The following CSMD2 variants were observed in gnomAD, a reference collection of about 807,000 sequenced individuals.
The protein encoded by CSMD2 is CUB and Sushi multiple domains 2.
In CSMD2, 130 loss-of-function variants were observed where a neutral mutation model predicts 398.5. That is an observed-to-expected ratio of 0.33 (90% CI 0.28 to 0.38). The LOEUF is 0.38. Ranked by LOEUF, CSMD2 falls within the 10% of genes least tolerant of loss-of-function variation. CSMD2 has a pLI of 1.00. For synonymous variants in CSMD2, 1,828 were observed against 1,908.5 expected, an observed-to-expected ratio of 0.96 and a Z score of 1.10; for missense variants, 3,829 against 4,764.9, an observed-to-expected ratio of 0.80 and a Z score of 5.78.
At chr1:34,048,624 T>TG (rs1183736903) in intron 2 of CSMD2, among the ~76,000 whole-genome samples, 1 of 152,112 alleles carries the variant, frequency 6.6e-6, no homozygotes, top group Non-Finnish European at 1.5e-5. Flanking sequence ...ACAGAAAGAA[T>TG]GGGGGTCTTC....
chr1:33,937,900 G>A (rs1233012672), intron 3 of CSMD2, among the ~76,000 whole-genome samples: 1 of 152,276 alleles, frequency 6.6e-6, no homozygotes, highest in Non-Finnish European at 1.5e-5. Flanking sequence ...TTGGGCCACA[G>A]GGCCATGAGG....
At chr1:34,158,531 G>A (rs1641016255) in intron 1 of CSMD2, among the ~76,000 whole-genome samples, 1 of 152,176 alleles carries the variant, frequency 6.6e-6, no homozygotes, top group Non-Finnish European at 1.5e-5. Flanking sequence ...CAGGTTCTAA[G>A]GTGTGTGCTT....
intron 32 of CSMD2, among the ~76,000 whole-genome samples, chr1:33,631,891 A>G (rs1240079449): frequency 6.6e-6 from 1 of 152,140 alleles, no homozygotes; most frequent in African/African-American, 2.4e-5. Context: ...ATAAAAATTC[A>G]AAACAAAGAA....
intron 3 of CSMD2, among the ~76,000 whole-genome samples, chr1:33,947,196 G>T (rs1644865461): frequency 1.3e-5 from 2 of 152,284 alleles, no homozygotes; most frequent in Non-Finnish European, 2.9e-5. Flanking sequence ...CACCTGGAAG[G>T]TTACTCTATC....
chr1:33,886,114 T>G (rs1164070840), intron 5 of CSMD2, among the ~76,000 whole-genome samples: 2 of 152,170 alleles, frequency 1.3e-5, no homozygotes, highest in Non-Finnish European at 2.9e-5. Context: ...AAAGAATGCA[T>G]GAGTGGAATG....
At chr1:33,953,431 A>G (rs574049981) in intron 3 of CSMD2, among the ~76,000 whole-genome samples, 1 of 152,192 alleles carries the variant, frequency 6.6e-6, no homozygotes, top group South Asian at 2.1e-4. Flanking sequence ...TGCAGCCTCA[A>G]CCTGTGCCAA....
intron 15 of CSMD2, among the ~76,000 whole-genome samples, chr1:33,733,591 T>C (rs955517961): frequency 5.3e-5 from 8 of 152,072 alleles, no homozygotes; most frequent in Non-Finnish European, 1.2e-4. Context: ...CCATAATCCC[T>C]GCGTGTCAAG....
At chr1:34,140,409 C>T (rs756831368) in intron 1 of CSMD2, among the ~76,000 whole-genome samples, 10 of 152,082 alleles carry the variant, frequency 6.6e-5, no homozygotes, top group South Asian at 2.1e-4. Flanking sequence ...AAAGGCACCG[C>T]CACTTGCAAG....
intron 9 of CSMD2, 23 bp from the exon 10 acceptor site, chr1:33,810,887 G>A (rs758308829): frequency 1.7e-5 from 28 of 1,606,952 alleles, no homozygotes; most frequent in Middle Eastern, 1.8e-4. Context: ...TGAAAGACAA[G>A]CCTTTGAATT....
At chr1:33,838,075 G>A (rs1397723869) in intron 6 of CSMD2, among the ~76,000 whole-genome samples, 1 of 152,212 alleles carries the variant, frequency 6.6e-6, no homozygotes, top group African/African-American at 2.4e-5. Flanking sequence ...GGCTCTGGGA[G>A]TCAAGAAGTG....
chr1:33,587,075 T>G lies in CSMD2; in HGVS notation c.6937+13A>C, dbSNP rs750135753. ...CCTGGGTTCACAGTCCTTGCTGGCTTGGGAGGTGGTACCTATATTGAATTC... is the reference window on the plus strand; with the variant it reads ...CCTGGGTTCACAGTCCTTGCTGGCTGGGGAGGTGGTACCTATATTGAATTC... On this transcript the variant is annotated intron_variant, in intron 45 of 70. Transcript: ENST00000373381. 6.3e-7 allele frequency: 1 copy of G among 1,589,072 alleles called. No individual in the cohort carries two copies. The highest frequency in any genetic ancestry group is 1.2e-5 in the South Asian group (1 of 86,758).
chr1:34,066,156 C>G (rs2148280917), intron 2 of CSMD2, among the ~76,000 whole-genome samples: 1 of 152,304 alleles, frequency 6.6e-6, no homozygotes, highest in East Asian at 1.9e-4. Context: ...GCATTTCAAG[C>G]TGAGAAGAGT....
At chr1:33,712,204 C>T (rs1571309490) in intron 21 of CSMD2, among the ~76,000 whole-genome samples, 1 of 152,256 alleles carries the variant, frequency 6.6e-6, no homozygotes, top group South Asian at 2.1e-4. Flanking sequence ...CTCCATCACA[C>T]CAGGATTCCC....
intron 3 of CSMD2, among the ~76,000 whole-genome samples, chr1:34,013,342 G>A (rs767963556): frequency 3.9e-5 from 6 of 152,130 alleles, no homozygotes; most frequent in Non-Finnish European, 8.8e-5. Context: ...GCACACACAC[G>A]ACCTGCCTCT....
chr1:33,534,907 C>T (rs540396476), intron 62 of CSMD2, among the ~76,000 whole-genome samples: 25 of 152,300 alleles, frequency 1.6e-4, no homozygotes, highest in Non-Finnish European at 2.9e-4. Flanking sequence ...TTCAGGATCA[C>T]TTCTCACCTT....
intron 47 of CSMD2, among the ~76,000 whole-genome samples, chr1:33,582,108 G>A (rs1382408664): frequency 6.6e-6 from 1 of 152,152 alleles, no homozygotes. Context: ...AGTAACTAAT[G>A]GCTATCCTCT....
chr1:33,837,235 G>A (rs1286626526), intron 6 of CSMD2, among the ~76,000 whole-genome samples: 1 of 152,156 alleles, frequency 6.6e-6, no homozygotes, highest in Non-Finnish European at 1.5e-5. Context: ...GACAGACCAG[G>A]TTGTGAGAGT....
intron 2 of CSMD2, among the ~76,000 whole-genome samples, chr1:34,040,775 C>A (rs975041881): frequency 6.6e-6 from 1 of 152,172 alleles, no homozygotes; most frequent in Non-Finnish European, 1.5e-5. Flanking sequence ...CGAACACCTC[C>A]ACTTCTTCCT....
intron 65 of CSMD2, among the ~76,000 whole-genome samples, chr1:33,525,642 C>T (rs1215372208): frequency 1.3e-5 from 2 of 152,128 alleles, no homozygotes; most frequent in Non-Finnish European, 2.9e-5. Context: ...GGCATAGTGA[C>T]TATAGTTAAT....
Sources: gnomAD v4.1 joint callset for allele counts (sites outside exome capture counted in the v4.1 genomes callset) on GRCh38, gnomAD v4.1.1 for gene constraint, MANE v1.5 for transcripts, NCBI Gene and HGNC (gene_info 2026-07-23, HGNC 2026-07-21) for gene names.